FNTA: variants seen among roughly 807,000 people sequenced by gnomAD.
FNTA encodes farnesyltransferase, CAAX box, subunit alpha, also known as protein farnesyltransferase/geranylgeranyltransferase type-1 subunit alpha.
A neutral mutation model predicts 55.2 loss-of-function variants in FNTA; 27 were observed. The observed-to-expected ratio is 0.49, with a 90% CI of 0.36 to 0.67. The LOEUF is 0.67. Among genes scored for constraint, FNTA ranks in the 30% least tolerant of loss-of-function variants. The pLI, the probability that FNTA is intolerant of heterozygous loss-of-function variation, is 0.00. For synonymous variants in FNTA, 176 were observed against 170.7 expected (o/e 1.03, Z -0.24); for missense variants, 422 against 464.7 (o/e 0.91, Z 0.85).
chr8:43,073,637 A>C (rs1301808864), intron 5 of FNTA: 4 of 152,026 alleles, frequency 2.6e-5, no homozygotes, highest in African/African-American at 7.3e-5. Flanking sequence ...TGGTTTAAGA[A>C]CAGGTTTTCT....
intron 1 of FNTA, chr8:43,057,225 T>C (rs1810429967): frequency 6.6e-6 from 1 of 152,258 alleles, no homozygotes; most frequent in African/African-American, 2.4e-5. Flanking sequence ...ATCAGTTCTT[T>C]GCTTTCAGAT....
chr8:43,062,677 C>T (rs905396531), intron 2 of FNTA, among the ~76,000 whole-genome samples: 1 of 152,322 alleles, frequency 6.6e-6, no homozygotes, highest in Admixed American at 6.5e-5. Flanking sequence ...CTGATACTTT[C>T]AGTGTTACAG....
At chr8:43,069,757 G>C (rs550839435) in intron 4 of FNTA, 98 bp downstream of exon 4, 7 of 701,760 alleles carry the variant, frequency 1.0e-5, no homozygotes, top group Non-Finnish European at 1.7e-5. Context: ...TGATTCTCCA[G>C]CTTCAGCCTC....
At chr8:43,069,827 A>G (rs1810746445) in intron 4 of FNTA, among the ~76,000 whole-genome samples, 168 bp downstream of exon 4, 1 of 151,870 alleles carries the variant, frequency 6.6e-6, no homozygotes. Context: ...TATTTTTAGT[A>G]GAGACGGGGT....
At position 43,085,424 on chromosome 8, in the gene FNTA, T is replaced by C; in HGVS notation, c.*142T>C. On this transcript the variant is annotated 3_prime_UTR_variant, in exon 9 of 9. Transcript: ENST00000302279. ...ATTGCTTTTTAACAAGAACTGATGC[T>C]CCTTGGGTGCTGCTGCTACTCAGAC... 3 of 714,174 alleles carry C rather than the reference T, an allele frequency of 4.2e-6. No homozygotes were observed. Among genetic ancestry groups the C allele is most frequent in the Middle Eastern group, 3.9e-4 (1 of 2,540 alleles). The allele number at this position is 714,174 out of a possible 1,614,324, so 44.2% of individuals were successfully genotyped here.
rs1810408681 is a variant in FNTA at position 43,056,624 on chromosome 8, C to T, written c.200+78C>T. On this transcript the variant is annotated intron_variant, in intron 1 of 8. Transcript: ENST00000302279. ...CCCCAAGACCCGCGGCGCGCGCTTC[C>T]GGCCCCGGCGCGCCAGGCCGAAGTT... 8.2e-6 allele frequency: 8 copies of T among 980,438 alleles called. No homozygotes were observed. The South Asian group carries it at 3.9e-4, about 48-fold the overall frequency. The allele number at this position is 980,438 out of a possible 1,614,324, so 60.7% of individuals were successfully genotyped here.
intron 2 of FNTA, among the ~76,000 whole-genome samples, chr8:43,060,384 A>G (rs1472767289): frequency 3.9e-5 from 6 of 152,180 alleles, no homozygotes; most frequent in African/African-American, 1.4e-4. Context: ...GTATAAAATT[A>G]ACATTTTGGG....
intron 4 of FNTA, among the ~76,000 whole-genome samples, chr8:43,071,233 GT>G (rs1195647038): frequency 6.6e-6 from 1 of 152,014 alleles, no homozygotes; most frequent in East Asian, 1.9e-4. Flanking sequence ...ATAATTCAGT[GT>G]TTTTTAGTAT....
rs112232378 is a variant in FNTA at position 43,077,498 on chromosome 8, T to C, written c.782+134T>C. On this transcript the variant is annotated intron_variant, in intron 6 of 8. Coordinates refer to ENST00000302279, the MANE Select transcript of FNTA (RefSeq NM_002027.3). ...AGAGGACAGAGTACTGAGTGGAACA[T>C]AGGATGATAGATTTACAAATAATGT... 604 of 501,130 alleles carry C rather than the reference T, an allele frequency of 1.2e-3. 6 individuals are homozygous for C. Among genetic ancestry groups the C allele is most frequent in the South Asian group, 9.9e-3 (186 of 18,710 alleles). The allele number at this position is 501,130 out of a possible 1,614,324, so 31.0% of individuals were successfully genotyped here.
intron 1 of FNTA, among the ~76,000 whole-genome samples, chr8:43,058,547 G>A (rs1262688565): frequency 6.6e-6 from 1 of 152,012 alleles, no homozygotes; most frequent in Non-Finnish European, 1.5e-5. Flanking sequence ...CGAGGCGGGC[G>A]GATCACCAGG....
At chr8:43,061,499 G>T (rs1182972714) in intron 2 of FNTA, among the ~76,000 whole-genome samples, 1 of 152,130 alleles carries the variant, frequency 6.6e-6, no homozygotes. Flanking sequence ...ATATATGTTA[G>T]CTACTATAAT....
At chr8:43,059,278 T>G in intron 2 of FNTA, 101 bp downstream of exon 2, 2 of 771,608 alleles carry the variant, frequency 2.6e-6, no homozygotes, top group South Asian at 3.7e-5. Flanking sequence ...TTCTGTCTAA[T>G]AAAAATCTGA....
intron 2 of FNTA, among the ~76,000 whole-genome samples, chr8:43,061,998 C>T (rs532119820): frequency 1.3e-5 from 2 of 152,136 alleles, no homozygotes; most frequent in African/African-American, 2.4e-5. Context: ...GGATTACAAG[C>T]GTGAGCTACC....
rs371752527 is a variant in FNTA at position 43,064,132 on chromosome 8, C to T, written c.318C>T (p.Val106=). The stretch of plus-strand genomic sequence containing the variant: ...ATGTTTATGATTACTTCCGAGCTGT[C>T]CTGCAGCGTGATGAAAGAAGTGAAC... ...FRDVYDYFRA[V]LQRDERSERA... Residue 106 remains valine (V), a synonymous_variant, in exon 3 of 9, where the codon GTC becomes GTT. Coordinates refer to ENST00000302279, the MANE Select transcript of FNTA (RefSeq NM_002027.3). 8.0e-5 allele frequency: 129 copies of T among 1,613,652 alleles called. No individual in the cohort carries two copies. The highest frequency in any genetic ancestry group is 9.9e-5 in the Non-Finnish European group (117 of 1,179,728).
chr8:43,058,929 T>A (rs1272586128), intron 1 of FNTA, 163 bp from the exon 2 acceptor site: 5 of 494,358 alleles, frequency 1.0e-5, no homozygotes, highest in African/African-American at 9.9e-5. Context: ...GTGTAAAACA[T>A]ATTGGCAAAA....
At position 43,056,359 on chromosome 8, in the gene FNTA, G is replaced by A. The variant is rs547774757; in HGVS notation, c.13G>A (p.Glu5Lys). 8 of 1,428,360 alleles carry A rather than the reference G, an allele frequency of 5.6e-6. No individual in the cohort carries two copies. In the African/African-American group the frequency reaches 1.0e-4, roughly 19 times the overall value. 88.5% of individuals were successfully genotyped at this position (1,428,360 alleles called of 1,614,324 possible). Residue 5 changes from glutamate (E) to lysine (K), a missense_variant, in exon 1 of 9, where the codon GAG becomes AAG. Transcript: ENST00000302279. MAAT[E>K]GVGEAAQGGE... is the part of the protein sequence containing the mutation. Reference sequence around the variant, plus strand: ...GGACCGAGGCGAGATGGCGGCCACCGAGGGGGTCGGGGAGGCTGCGCAAGG... The same window carrying A: ...GGACCGAGGCGAGATGGCGGCCACCAAGGGGGTCGGGGAGGCTGCGCAAGG...
chr8:43,083,824 G>GC (rs779996764), intron 7 of FNTA, among the ~76,000 whole-genome samples: 28 of 152,216 alleles, frequency 1.8e-4, no homozygotes, highest in Admixed American at 3.3e-4. Flanking sequence ...TGCAATCCCA[G>GC]CACTTTGGGA....
At chr8:43,081,035 A>G (rs1019604219) in intron 6 of FNTA, 8 of 152,234 alleles carry the variant, frequency 5.3e-5, no homozygotes, top group African/African-American at 1.4e-4. Flanking sequence ...AGCTGTAGGT[A>G]TCTAGAATTT....
chr8:43,059,322 T>A (rs182806113), intron 2 of FNTA, 145 bp downstream of exon 2: 9,967 of 600,690 alleles, frequency 0.017, 137 homozygotes, highest in Non-Finnish European at 0.02. Flanking sequence ...GTGTTTTTTT[T>A]ATGTGTGTGT....
Sources: gnomAD v4.1 joint callset for allele counts (sites outside exome capture counted in the v4.1 genomes callset) on GRCh38, gnomAD v4.1.1 for gene constraint, MANE v1.5 for transcripts, NCBI Gene and HGNC (gene_info 2026-07-23, HGNC 2026-07-21) for gene names.